The following P2RX4 variants were observed in gnomAD, a reference collection of about 807,000 sequenced individuals.
The protein encoded by P2RX4 is P2X purinoceptor 4.
A neutral mutation model predicts 48.0 loss-of-function variants in P2RX4; 37 were observed. The observed-to-expected ratio is 0.77, with a 90% CI of 0.59 to 1.01. P2RX4 has a LOEUF of 1.01. P2RX4 is among the 50% of genes least tolerant of loss of function. The pLI is 0.00. For synonymous variants in P2RX4, 200 were observed against 199.7 expected (o/e 1.00, Z -0.01); for missense variants, 501 against 521.4 (o/e 0.96, Z 0.38).
Position 121,210,235 on chromosome 12 carries a change from G to T in P2RX4, c.71G>T (p.Arg24Leu). Reference protein sequence around the residue: ...EYDTPRIVLIRSRKVGLMNRA... With the variant: ...EYDTPRIVLILSRKVGLMNRA... The stretch of plus-strand genomic sequence containing the variant: ...GACACGCCGCGCATCGTGCTCATCC[G>T]CAGCCGCAAAGTGGGGCTCATGAAC... Residue 24 changes from arginine (R) to leucine (L), a missense_variant, in exon 1 of 12, where the codon CGC becomes CTC. By Grantham distance (102) the Arg-to-Leu change is moderately radical. Around this residue, in one of 3 missense-constraint regions of P2RX4, gnomAD observed 295 missense variants for 275.3 expected, o/e 1.07. Transcript: ENST00000337233. 2 of 1,562,890 alleles carry T rather than the reference G, an allele frequency of 1.3e-6. No homozygotes were observed. The highest frequency in any genetic ancestry group is 1.7e-6 in the Non-Finnish European group (2 of 1,158,906).
At chr12:121,224,708 T>A (rs1045956696) in intron 5 of P2RX4, among the ~76,000 whole-genome samples, 1 of 152,094 alleles carries the variant, frequency 6.6e-6, no homozygotes, top group African/African-American at 2.4e-5. Flanking sequence ...TGTAATTGGC[T>A]GTGCTTCATG....
intron 5 of P2RX4, chr12:121,223,261 A>C (rs1886762891): frequency 5.9e-6 from 3 of 504,300 alleles, no homozygotes; most frequent in Admixed American, 6.5e-5. Flanking sequence ...TTTTTAGTAG[A>C]GACGGGGTTT....
intron 5 of P2RX4, among the ~76,000 whole-genome samples, chr12:121,225,222 C>G (rs1271054194): frequency 6.6e-6 from 1 of 150,428 alleles, no homozygotes; most frequent in African/African-American, 2.4e-5. Flanking sequence ...ATAGGCACCC[C>G]CCACCACACC....
chr12:121,219,946 T>A (rs1165475507), intron 2 of P2RX4, among the ~76,000 whole-genome samples: 2 of 152,128 alleles, frequency 1.3e-5, no homozygotes, highest in Non-Finnish European at 2.9e-5. Flanking sequence ...TTTGGGGTCT[T>A]TGCCTTTTAT....
At chr12:121,231,475 C>G (rs1887356172) in intron 8 of P2RX4, among the ~76,000 whole-genome samples, 1 of 152,182 alleles carries the variant, frequency 6.6e-6, no homozygotes, top group Non-Finnish European at 1.5e-5. Context: ...CGGCCCCTGG[C>G]AACAGTGGTC....
chr12:121,233,551 G>A lies in P2RX4; in HGVS notation c.*2G>A, dbSNP rs1368203355. 1.2e-6 allele frequency: 2 copies of A among 1,608,764 alleles called. No individual in the cohort carries two copies. Among genetic ancestry groups the A allele is most frequent in the African/African-American group, 1.3e-5 (1 of 74,930 alleles). On this transcript the variant is annotated 3_prime_UTR_variant, in exon 12 of 12. Transcript: ENST00000337233. The stretch of plus-strand genomic sequence containing the variant: ...CTTGCTAGTGAGCTGGACCAGTGAG[G>A]CCTACCCCACACCTGGGCTCTCCAC...
rs25643 is a variant in P2RX4 at position 121,222,984 on chromosome 12, T to C, written c.465T>C (p.Ser155=). 728,847 of 1,611,562 alleles carry C rather than the reference T, an allele frequency of 0.45. 166,631 individuals are homozygous for C. The highest frequency in any genetic ancestry group is 0.52 in the South Asian group (47,227 of 91,004). The change falls in exon 5 of 12, where the codon TCT becomes TCC. Residue 155 remains serine (S), a synonymous_variant. Transcript: ENST00000337233. ...GCAGGTGCGTAGCTTTCAACGGGTCTGTCAAGACGTGTGAGGTGGCGGCCT... is the reference window on the plus strand; with the variant it reads ...GCAGGTGCGTAGCTTTCAACGGGTCCGTCAAGACGTGTGAGGTGGCGGCCT... The part of the protein sequence containing the change: ...STGRCVAFNG[S]VKTCEVAAWC...
At chr12:121,212,810 ATATATATATATATAT>A (rs1242982826) in intron 1 of P2RX4, 3 of 31,380 alleles carry the variant, frequency 9.6e-5, no homozygotes, top group Non-Finnish European at 1.2e-4. Flanking sequence ...ATATATATAT[ATATATATATATATAT>A]TTTTTTTTTT....
chr12:121,218,964 G>A (rs1253038014), intron 2 of P2RX4, among the ~76,000 whole-genome samples: 1 of 152,068 alleles, frequency 6.6e-6, no homozygotes, highest in Non-Finnish European at 1.5e-5. Flanking sequence ...GTTTGAGGCT[G>A]AAGTGAACTG....
chr12:121,227,430 G>T (rs769310273), intron 5 of P2RX4, among the ~76,000 whole-genome samples: 14 of 152,348 alleles, frequency 9.2e-5, no homozygotes, highest in Admixed American at 4.6e-4. Flanking sequence ...GCACCTGCTG[G>T]CGGGTGCTTT....
intron 5 of P2RX4, among the ~76,000 whole-genome samples, chr12:121,226,790 A>G (rs1887003079): frequency 6.6e-6 from 1 of 152,058 alleles, no homozygotes; most frequent in Non-Finnish European, 1.5e-5. Flanking sequence ...GTTGTAAGCC[A>G]TCCCTCTTGA....
rs181880413 is a variant in P2RX4 at position 121,228,254 on chromosome 12, A to C, written c.525-279A>C. ...AAAATACAAAAAAAGTTAACCAGGC[A>C]TAGTGGCTCACACCTGTGTAATCCC... On this transcript the variant is annotated intron_variant, in intron 5 of 11. Transcript: ENST00000337233. Among the ~76,000 whole-genome samples, 411 of 151,358 alleles carry C rather than the reference A, an allele frequency of 2.7e-3. 1 individual carries two copies. Among genetic ancestry groups the C allele is most frequent in the Middle Eastern group, 0.01 (3 of 292 alleles).
chr12:121,210,358 G>A, intron 1 of P2RX4, 60 bp downstream of exon 1: 1 of 1,398,924 alleles, frequency 7.1e-7, no homozygotes, highest in Middle Eastern at 2.6e-4. Context: ...GCGCCGTGCG[G>A]CGGCTCATCC....
chr12:121,219,577 GTGGATGGATGGATGGATGGA>G lies in P2RX4; in HGVS notation c.283-2314_283-2295del, dbSNP rs767985861. Among the ~76,000 whole-genome samples the G allele has an allele frequency of 7.7e-3, 1,072 of 139,680 alleles. 12 individuals are homozygous for G. The highest frequency in any genetic ancestry group is 0.027 in the African/African-American group (1,000 of 36,702). The allele number at this position is 139,680 out of a possible 152,430, so 91.6% of individuals were successfully genotyped here. On this transcript the variant is annotated intron_variant, in intron 2 of 11. Transcript: ENST00000337233. Reference sequence around the variant, plus strand: ...AGACCCCATCTTGATTGGATGGGTGGTGGATGGATGGATGGATGGATGGATGGATGGATGGATGGATAGAT... The same window carrying G: ...AGACCCCATCTTGATTGGATGGGTGGTGGATGGATGGATGGATGGATAGAT...
chr12:121,228,364 T>C (rs1887103140), intron 5 of P2RX4, among the ~76,000 whole-genome samples, 169 bp from the exon 6 acceptor site: 4 of 71,942 alleles, frequency 5.6e-5, no homozygotes, highest in Non-Finnish European at 7.5e-5. Context: ...AGTGACTCCA[T>C]CTCAAAAAAA....
Position 121,229,060 on chromosome 12 carries a change from G to A in P2RX4, c.845G>A (p.Arg282Gln), listed in dbSNP as rs370415929. The change falls in exon 8 of 12, where the codon CGG becomes CAG. Residue 282 changes from arginine to glutamine, a missense_variant. Transcript: ENST00000337233. This position sits in a 1 kb window ranked among gnomAD's most constrained non-coding sequence, Gnocchi z 4.6. ...PRYSFRRLDT[R>Q]DVEHNVSPGY... ...TACTCCTTCCGCCGCCTCGATACACGGGACGTTGAGCACAACGTATCTCCT... is the reference window on the plus strand; with the variant it reads ...TACTCCTTCCGCCGCCTCGATACACAGGACGTTGAGCACAACGTATCTCCT... 61 of 1,613,968 alleles carry A rather than the reference G, an allele frequency of 3.8e-5. No homozygotes were observed. Among genetic ancestry groups the A allele is most frequent in the Non-Finnish European group, 5.0e-5 (59 of 1,180,022 alleles).
intron 2 of P2RX4, among the ~76,000 whole-genome samples, chr12:121,218,431 C>T (rs1472303133): frequency 6.6e-6 from 1 of 152,148 alleles, no homozygotes; most frequent in South Asian, 2.1e-4. Flanking sequence ...TTGTAGTGAG[C>T]CGAGATAGTG....
At position 121,228,815 on chromosome 12, in the gene P2RX4, T is replaced by C. The variant is rs772358710; in HGVS notation, c.696T>C (p.Leu232=). The C allele has an allele frequency of 5.6e-6, 9 of 1,614,202 alleles. No homozygotes were observed. Among genetic ancestry groups the C allele is most frequent in the Non-Finnish European group, 7.6e-6 (9 of 1,180,042 alleles). The change falls in exon 7 of 12, where the codon CTT becomes CTC. Residue 232 remains leucine, a synonymous_variant. Transcript: ENST00000337233. ...KTDPFCPIFR[L]GKIVENAGHS... is the part of the protein sequence containing the mutation. ...ATCCCTTCTGCCCCATATTCCGTCT[T>C]GGCAAAATAGTGGAGAACGCAGGAC...
chr12:121,228,442 T>G, intron 5 of P2RX4, 91 bp from the exon 6 acceptor site: 1 of 601,100 alleles, frequency 1.7e-6, no homozygotes. Flanking sequence ...ACACAATACA[T>G]ATATATATGT....
Sources: gnomAD v4.1 joint callset for allele counts (sites outside exome capture counted in the v4.1 genomes callset) on GRCh38, gnomAD v4.1.1 for gene constraint, gnomAD v4.1.1 regional missense constraint, Gnocchi (gnomAD v3.1) non-coding constraint, MANE v1.5 for transcripts, NCBI Gene and HGNC (gene_info 2026-07-23, HGNC 2026-07-21) for gene names.